Variants in CLVS2 observed in about 807,000 individuals in gnomAD.
The protein encoded by CLVS2 is clavesin-2.
CLVS2 carries 19 observed loss-of-function variants against 29.0 expected under a neutral mutation model. The observed-to-expected ratio is 0.66, with a 90% confidence interval of 0.46 to 0.96. The LOEUF (loss-of-function observed/expected upper bound fraction) is 0.96. Among genes scored for constraint, CLVS2 ranks in the 40% least tolerant of loss-of-function variants. CLVS2 has a pLI of 0.00. For synonymous variants in CLVS2, 161 were observed against 151.3 expected, an observed-to-expected ratio of 1.06 and a Z score of -0.47; for missense variants, 294 against 404.1, an observed-to-expected ratio of 0.73 and a Z score of 2.34.
At chr6:123,061,978 C>G (rs1415779903) in intron 5 of CLVS2, among the ~76,000 whole-genome samples, 1 of 152,026 alleles carries the variant, frequency 6.6e-6, no homozygotes, top group Admixed American at 6.6e-5. Context: ...TACTGAAGTT[C>G]TTTCAATTTG....
chr6:123,037,127 A>G (rs778107328), intron 3 of CLVS2, among the ~76,000 whole-genome samples: 9 of 152,132 alleles, frequency 5.9e-5, no homozygotes, highest in African/African-American at 2.2e-4. Context: ...ATCCCAGCTC[A>G]GGAACATCTT....
intron 3 of CLVS2, among the ~76,000 whole-genome samples, chr6:123,022,447 A>G (rs891042932): frequency 3.3e-5 from 5 of 152,044 alleles, no homozygotes; most frequent in Admixed American, 6.6e-5. Flanking sequence ...TGATTACAAG[A>G]TGATAAAAAT....
In CLVS2 at chr6:123,069,202, A is replaced by G. The variant is rs1772904179; in HGVS notation, c.*5441A>G. On this transcript the variant is annotated 3_prime_UTR_variant, in exon 6 of 6. Transcript: ENST00000275162. ...ATGTTTTAATTACATATAGCAAAGG[A>G]ATGATCAGTAAATAAAATAACTAGG... 6.6e-6 allele frequency: 1 copy of G among 151,816 alleles called. No homozygotes were observed. The highest frequency in any genetic ancestry group is 6.6e-5 in the Admixed American group (1 of 15,178). The allele number at this position is 151,816 out of a possible 1,614,324, so 9.4% of individuals were successfully genotyped here.
intron 3 of CLVS2, among the ~76,000 whole-genome samples, chr6:123,036,866 G>A (rs541904338): frequency 5.9e-5 from 9 of 152,198 alleles, no homozygotes; most frequent in East Asian, 5.8e-4. Context: ...AGCTAAAAGC[G>A]TTCTGGCAAG....
intron 3 of CLVS2, among the ~76,000 whole-genome samples, chr6:123,047,469 C>T (rs545066651): frequency 5.3e-5 from 8 of 152,154 alleles, no homozygotes; most frequent in South Asian, 4.2e-4. Flanking sequence ...GAAGTTGCTT[C>T]GCAAAATGAA....
chr6:123,008,976 A>T (rs1222766376), intron 2 of CLVS2, among the ~76,000 whole-genome samples: 1 of 152,088 alleles, frequency 6.6e-6, no homozygotes, highest in East Asian at 1.9e-4. Context: ...GCCTTTTATA[A>T]TACTAATAGC....
At chr6:123,041,420 G>A (rs1483235079) in intron 3 of CLVS2, among the ~76,000 whole-genome samples, 2 of 152,024 alleles carry the variant, frequency 1.3e-5, no homozygotes, top group African/African-American at 4.8e-5. Flanking sequence ...TTCTAGTAGT[G>A]TGCACCGAGA....
At chr6:123,021,647 T>G (rs1220704910) in intron 3 of CLVS2, among the ~76,000 whole-genome samples, 1 of 152,112 alleles carries the variant, frequency 6.6e-6, no homozygotes, top group Non-Finnish European at 1.5e-5. Context: ...TCTTTCCCAA[T>G]GGTAACATCT....
At chr6:123,029,902 A>G (rs965013092) in intron 3 of CLVS2, among the ~76,000 whole-genome samples, 2 of 152,308 alleles carry the variant, frequency 1.3e-5, no homozygotes, top group South Asian at 4.1e-4. Context: ...TCGATGAAGC[A>G]GTTTTTGTCA....
chr6:123,049,073 T>C (rs1772565073), intron 4 of CLVS2, among the ~76,000 whole-genome samples: 1 of 152,180 alleles, frequency 6.6e-6, no homozygotes, highest in Non-Finnish European at 1.5e-5. Context: ...TAAACAAAAG[T>C]TATAATTTTA....
chr6:123,055,770 T>C (rs765806616), intron 4 of CLVS2, 36 bp from the exon 5 acceptor site: 12 of 1,454,738 alleles, frequency 8.2e-6, no homozygotes, highest in Admixed American at 1.7e-5. Context: ...GTTTCCTCTG[T>C]GTCTTTCCCT....
chr6:123,041,482 A>G (rs981686828), intron 3 of CLVS2, among the ~76,000 whole-genome samples: 2 of 152,166 alleles, frequency 1.3e-5, no homozygotes, highest in African/African-American at 4.8e-5. Flanking sequence ...AGCAATAACA[A>G]CAAACAAACA....
intron 2 of CLVS2, among the ~76,000 whole-genome samples, chr6:123,008,758 G>A (rs537867005): frequency 7.0e-4 from 106 of 151,500 alleles, no homozygotes; most frequent in African/African-American, 2.5e-3. Flanking sequence ...CAATGCCTGT[G>A]TTTATAGGTT....
intron 3 of CLVS2, among the ~76,000 whole-genome samples, chr6:123,020,488 A>T (rs940592002): frequency 1.3e-5 from 2 of 152,084 alleles, no homozygotes; most frequent in African/African-American, 4.8e-5. Flanking sequence ...AGACATTTTT[A>T]AAAATGAGGT....
At chr6:123,006,152 G>A (rs1272244582) in intron 2 of CLVS2, among the ~76,000 whole-genome samples, 2 of 152,180 alleles carry the variant, frequency 1.3e-5, no homozygotes, top group Non-Finnish European at 2.9e-5. Flanking sequence ...GCAGAGCAGG[G>A]AAAGCTGGTG....
At chr6:123,005,498 C>A (rs1447416321) in intron 2 of CLVS2, among the ~76,000 whole-genome samples, 1 of 152,140 alleles carries the variant, frequency 6.6e-6, no homozygotes. Flanking sequence ...TGGTGTTATG[C>A]TGCTCAGTGC....
At chr6:123,054,479 C>T (rs1162594791) in intron 4 of CLVS2, among the ~76,000 whole-genome samples, 1 of 152,288 alleles carries the variant, frequency 6.6e-6, no homozygotes, top group Admixed American at 6.5e-5. Flanking sequence ...TTTTACTCTT[C>T]TATAATTTGT....
chr6:123,000,319 A>G (rs1774573497), intron 2 of CLVS2, among the ~76,000 whole-genome samples: 1 of 152,234 alleles, frequency 6.6e-6, no homozygotes, highest in South Asian at 2.1e-4. Flanking sequence ...TATTAAAAAA[A>G]TAATAATTCC....
intron 3 of CLVS2, among the ~76,000 whole-genome samples, chr6:123,042,925 AC>A (rs1372516310): frequency 2.0e-5 from 3 of 152,086 alleles, no homozygotes; most frequent in African/African-American, 7.2e-5. Context: ...TAGAAAAGAC[AC>A]CCCCAAAAGT....
Sources: gnomAD v4.1 joint callset for allele counts (sites outside exome capture counted in the v4.1 genomes callset) on GRCh38, gnomAD v4.1.1 for gene constraint, MANE v1.5 for transcripts, NCBI Gene and HGNC (gene_info 2026-07-23, HGNC 2026-07-21) for gene names.